TRMT61B: variants seen among roughly 807,000 people sequenced by gnomAD.
TRMT61B encodes tRNA (adenine(58)-N(1))-methyltransferase, mitochondrial.
A neutral mutation model predicts 52.0 loss-of-function variants in TRMT61B; 56 were observed. The observed-to-expected ratio is 1.08, with a 90% CI of 0.87 to 1.35. The LOEUF (loss-of-function observed/expected upper bound fraction) is 1.35. Among genes scored for constraint, TRMT61B ranks in the 40% most tolerant of loss-of-function variants. The pLI, the probability that TRMT61B is intolerant of heterozygous loss-of-function variation, is 0.00. For missense variants in TRMT61B, 650 were observed against 577.9 expected, an observed-to-expected ratio of 1.12 and a Z score of -1.28; for synonymous variants, 206 against 220.0, an observed-to-expected ratio of 0.94 and a Z score of 0.56.
intron 5 of TRMT61B, 107 bp from the exon 6 acceptor site, chr2:28,850,512 A>C (rs1669039766): frequency 1.4e-6 from 1 of 729,254 alleles, no homozygotes; most frequent in Non-Finnish European, 2.2e-6. Context: ...TTTTTTCTTT[A>C]TTTATTTCCT....
At chr2:28,862,206 A>G (rs1669633178) in intron 2 of TRMT61B, among the ~76,000 whole-genome samples, 1 of 59,286 alleles carries the variant, frequency 1.7e-5, no homozygotes, top group African/African-American at 4.8e-5. Flanking sequence ...CTCCGTCTCA[A>G]AAAAAAAAAA....
At chr2:28,851,490 T>G (rs889615460) in intron 4 of TRMT61B, among the ~76,000 whole-genome samples, 192 bp from the exon 5 acceptor site, 50 of 152,328 alleles carry the variant, frequency 3.3e-4, no homozygotes, top group African/African-American at 1.2e-3. Context: ...AGACCATAAT[T>G]TAACATTACT....
In TRMT61B at chr2:28,862,333, G is replaced by GTTT. The variant is rs369559361; in HGVS notation, c.803-1028_803-1026dup. 6.5e-4 allele frequency among the ~76,000 whole-genome samples: 82 copies of GTTT among 126,868 alleles called. 1 individual carries two copies. Among genetic ancestry groups the GTTT allele is most frequent in the South Asian group, 7.6e-4 (3 of 3,930 alleles). 83.2% of individuals were successfully genotyped at this position (126,868 alleles called of 152,430 possible). On this transcript the variant is annotated intron_variant, in intron 2 of 6. Coordinates refer to ENST00000306108, the MANE Select transcript of TRMT61B (RefSeq NM_017910.4). ...TTTTTAATGTAGATTTTTGAGTTTG[G>GTTT]TTTTTTTTTTTTTTTTTGAGACAAG...
In TRMT61B at chr2:28,861,125, A is replaced by G; in HGVS notation, c.986T>C (p.Phe329Ser). The change falls in exon 3 of 7, where the codon TTT (phenylalanine) becomes TCT (serine). Residue 329 changes from phenylalanine (F) to serine (S), a missense_variant. By Grantham distance (155) the Phe-to-Ser change is radical. Coordinates refer to ENST00000306108, the MANE Select transcript of TRMT61B (RefSeq NM_017910.4). ...GATEDIKSLTFDAVALDMLNP... is the reference protein window; with the variant it reads ...GATEDIKSLTSDAVALDMLNP... Reference sequence around the variant, plus strand: ...CCACGTTAGAAAACTTACTGCGTCAAATGTTAAAGATTTTATGTCTTCGGT... The same window carrying G: ...CCACGTTAGAAAACTTACTGCGTCAGATGTTAAAGATTTTATGTCTTCGGT... 6.3e-7 allele frequency: 1 copy of G among 1,598,882 alleles called. No individual in the cohort carries two copies. The highest frequency in any genetic ancestry group is 8.5e-7 in the Non-Finnish European group (1 of 1,174,458).
chr2:28,855,123 G>A (rs1478132201), intron 3 of TRMT61B, among the ~76,000 whole-genome samples: 1 of 152,142 alleles, frequency 6.6e-6, no homozygotes, highest in African/African-American at 2.4e-5. Context: ...TAGGCTACTT[G>A]GGGAGTCTGT....
chr2:28,857,613 T>C (rs968125299), intron 3 of TRMT61B, among the ~76,000 whole-genome samples: 2 of 152,204 alleles, frequency 1.3e-5, no homozygotes, highest in African/African-American at 4.8e-5. Context: ...CTCTATGAAA[T>C]AGGTACTATT....
At chr2:28,859,596 A>AC (rs1019598822) in intron 3 of TRMT61B, among the ~76,000 whole-genome samples, 30 of 150,834 alleles carry the variant, frequency 2.0e-4, no homozygotes, top group African/African-American at 7.3e-4. Flanking sequence ...AGCAGCTGAC[A>AC]CCCCCTCTCC....
At chr2:28,851,340 A>G (rs766578422) in intron 4 of TRMT61B, 42 bp from the exon 5 acceptor site, 5 of 1,337,872 alleles carry the variant, frequency 3.7e-6, no homozygotes, top group Non-Finnish European at 5.2e-6. Flanking sequence ...CTAAAATAAT[A>G]ACATTATATT....
intron 1 of TRMT61B, among the ~76,000 whole-genome samples, chr2:28,867,376 T>G (rs1184069646): frequency 2.0e-5 from 3 of 152,176 alleles, no homozygotes; most frequent in Admixed American, 6.5e-5. Flanking sequence ...ATTACAAGTG[T>G]GAGCCACTGC....
chr2:28,863,592 A>G (rs1366894474), intron 2 of TRMT61B, among the ~76,000 whole-genome samples: 1 of 152,186 alleles, frequency 6.6e-6, no homozygotes, highest in Non-Finnish European at 1.5e-5. Flanking sequence ...ATAGGCACTT[A>G]TCTGTTCTCA....
chr2:28,856,935 A>G (rs1572538518), intron 3 of TRMT61B, among the ~76,000 whole-genome samples: 1 of 149,080 alleles, frequency 6.7e-6, no homozygotes, highest in East Asian at 2.0e-4. Context: ...GCGCCTGGCC[A>G]ATTTAATTTA....
At chr2:28,858,275 T>C (rs185224776) in intron 3 of TRMT61B, among the ~76,000 whole-genome samples, 1 of 152,076 alleles carries the variant, frequency 6.6e-6, no homozygotes, top group Admixed American at 6.6e-5. Context: ...CTCCTGGCCT[T>C]GTGATCTGCC....
intron 5 of TRMT61B, 163 bp from the exon 6 acceptor site, chr2:28,850,568 T>C: frequency 1.8e-6 from 1 of 568,324 alleles, no homozygotes; most frequent in South Asian, 2.6e-5. Flanking sequence ...ACAGAAACTA[T>C]TTGTCAATGA....
At chr2:28,852,540 T>C (rs1365627808) in intron 3 of TRMT61B, 41 bp from the exon 4 acceptor site, 3 of 1,305,276 alleles carry the variant, frequency 2.3e-6, no homozygotes, top group African/African-American at 1.5e-5. Context: ...TCTGATTCCG[T>C]TTAAATAAAG....
rs773796796 is a variant in TRMT61B at position 28,852,405 on chromosome 2, C to G, written c.1085+3G>C. Reference sequence around the variant, plus strand: ...TACAAAGAAAAACAGTTATATTACTCACTTTACTACATATACAGCACATAC... The same window carrying G: ...TACAAAGAAAAACAGTTATATTACTGACTTTACTACATATACAGCACATAC... On this transcript the variant is annotated splice_donor_region_variant and intron_variant, in intron 4 of 6. Coordinates refer to ENST00000306108, the MANE Select transcript of TRMT61B (RefSeq NM_017910.4). 1 of 1,537,030 alleles carries G rather than the reference C, an allele frequency of 6.5e-7. No homozygotes were observed. The highest frequency in any genetic ancestry group is 1.9e-5 in the Admixed American group (1 of 52,352).
chr2:28,858,721 G>T (rs1278201499), intron 3 of TRMT61B, among the ~76,000 whole-genome samples: 2 of 147,856 alleles, frequency 1.4e-5, no homozygotes, highest in African/African-American at 5.0e-5. Flanking sequence ...CTTGAACCCG[G>T]GAGGCGGAGG....
At chr2:28,852,562 T>C in intron 3 of TRMT61B, 63 bp from the exon 4 acceptor site, 4 of 1,112,576 alleles carry the variant, frequency 3.6e-6, no homozygotes, top group Non-Finnish European at 5.3e-6. Context: ...ATAAGTTTTC[T>C]TATTGTGGTG....
Position 28,850,127 on chromosome 2 carries a change from C to A in TRMT61B, c.*72G>T. ...AGCTAAAAATGCCAATCTATGGAAG[C>A]AGTGATTTTCAATATAAAGTTCTAT... On this transcript the variant is annotated 3_prime_UTR_variant, in exon 7 of 7. Transcript: ENST00000306108. 7.2e-7 allele frequency: 1 copy of A among 1,394,238 alleles called. No individual in the cohort carries two copies. Among genetic ancestry groups the A allele is most frequent in the Non-Finnish European group, 1.0e-6 (1 of 997,680 alleles). The allele number at this position is 1,394,238 out of a possible 1,614,324, so 86.4% of individuals were successfully genotyped here.
intron 2 of TRMT61B, chr2:28,861,858 T>C (rs995987942): frequency 6.6e-6 from 1 of 152,212 alleles, no homozygotes; most frequent in African/African-American, 2.4e-5. Context: ...TATTACATTG[T>C]CCTCCACGTA....
Sources: gnomAD v4.1 joint callset for allele counts (sites outside exome capture counted in the v4.1 genomes callset) on GRCh38, gnomAD v4.1.1 for gene constraint, MANE v1.5 for transcripts, NCBI Gene and HGNC (gene_info 2026-07-23, HGNC 2026-07-21) for gene names.